TGFBR3: variants seen among roughly 807,000 people sequenced by gnomAD.
The protein encoded by TGFBR3 is transforming growth factor beta receptor 3.
TGFBR3 carries 46 observed loss-of-function variants against 87.9 expected under a neutral mutation model. The ratio of observed to expected loss-of-function variants is 0.52; its 90% CI spans 0.41 to 0.67. The LOEUF is 0.67. Among genes scored for constraint, TGFBR3 ranks in the 30% least tolerant of loss-of-function variants. The probability of loss-of-function intolerance (pLI) is 0.00; values close to 1 mark genes in which losing one functional copy is unlikely to be tolerated. For synonymous variants in TGFBR3, 381 were observed against 391.6 expected, an observed-to-expected ratio of 0.97 and a Z score of 0.32; for missense variants, 866 against 1,041.9, an observed-to-expected ratio of 0.83 and a Z score of 2.32.
intron 2 of TGFBR3, among the ~76,000 whole-genome samples, chr1:91,820,479 C>T (rs917130588): frequency 2.0e-5 from 3 of 152,050 alleles, no homozygotes; most frequent in Middle Eastern, 3.4e-3. Flanking sequence ...GTCAGGAGAT[C>T]GAGACCATCC....
intron 2 of TGFBR3, among the ~76,000 whole-genome samples, chr1:91,799,127 C>A (rs1230867137): frequency 6.6e-6 from 1 of 152,218 alleles, no homozygotes; most frequent in Non-Finnish European, 1.5e-5. Context: ...AATAAAGGTA[C>A]CCTCCAGGGT....
upstream of TGFBR3, chr1:91,886,246 G>A (rs756386454): frequency 2.3e-6 from 1 of 443,722 alleles, no homozygotes; most frequent in East Asian, 7.3e-5. Flanking sequence ...GCGGGGGGAA[G>A]GGCGCTCCTC....
intron 3 of TGFBR3, among the ~76,000 whole-genome samples, chr1:91,774,426 G>T (rs1052164845): frequency 3.9e-5 from 6 of 152,134 alleles, no homozygotes; most frequent in African/African-American, 1.4e-4. Flanking sequence ...GTAAGCCACT[G>T]CGCCCGGCCT....
intron 10 of TGFBR3, among the ~76,000 whole-genome samples, chr1:91,717,411 T>C (rs1370774219): frequency 2.6e-5 from 4 of 152,188 alleles, no homozygotes; most frequent in African/African-American, 7.2e-5. Context: ...ATCTTTTTTT[T>C]CCACCTTTTT....
Position 91,804,318 on chromosome 1 carries a change from G to A in TGFBR3, c.62-6847C>T, listed in dbSNP as rs181218061. 5.7e-4 allele frequency among the ~76,000 whole-genome samples: 86 copies of A among 152,182 alleles called. 1 individual carries two copies. The East Asian group carries it at 0.015, about 26-fold the overall frequency. ...AAATCTGTTTTTGTCTTCTCTTCCC[G>A]GACACTCTTCTGGCCAATCCCCTCT... On this transcript the variant is annotated intron_variant, in intron 2 of 16. Transcript: ENST00000212355.
At position 91,681,128 on chromosome 1, in the gene TGFBR3, A is replaced by G. The variant is rs1354381528; in HGVS notation, c.*2611T>C. On this transcript the variant is annotated 3_prime_UTR_variant, in exon 17 of 17. Coordinates refer to ENST00000212355, the MANE Select transcript of TGFBR3 (RefSeq NM_003243.5). Reference sequence around the variant, plus strand: ...AAGAGTTCAGCTGAAATACAACAATACTTTTAAAGAAACTTGTAGTACACG... The same window carrying G: ...AAGAGTTCAGCTGAAATACAACAATGCTTTTAAAGAAACTTGTAGTACACG... 1 of 454,116 alleles carries G rather than the reference A, an allele frequency of 2.2e-6. No homozygotes were observed. The highest frequency in any genetic ancestry group is 4.4e-6 in the Non-Finnish European group (1 of 226,778). 28.1% of individuals were successfully genotyped at this position (454,116 alleles called of 1,614,324 possible).
Position 91,681,323 on chromosome 1 carries a change from A to C in TGFBR3, c.*2416T>G, listed in dbSNP as rs773508844. 2.2e-6 allele frequency: 1 copy of C among 445,244 alleles called. No individual in the cohort carries two copies. Among genetic ancestry groups the C allele is most frequent in the African/African-American group, 2.0e-5 (1 of 49,596 alleles). The allele number at this position is 445,244 out of a possible 1,614,324, so 27.6% of individuals were successfully genotyped here. Reference sequence around the variant, plus strand: ...ACTCTCCAATATGAGATTAGGTTTTATCGACACAGATTTCTTGATCTGAAT... The same window carrying C: ...ACTCTCCAATATGAGATTAGGTTTTCTCGACACAGATTTCTTGATCTGAAT... On this transcript the variant is annotated 3_prime_UTR_variant, in exon 17 of 17. Transcript: ENST00000212355.
At chr1:91,889,087 G>A (rs1318955783), upstream of TGFBR3, among the ~76,000 whole-genome samples, 2 of 152,062 alleles carry the variant, frequency 1.3e-5, no homozygotes, top group Non-Finnish European at 2.9e-5. Flanking sequence ...TTCATACCAT[G>A]TTGGCCAGGC....
chr1:91,851,529 A>G (rs897724435), intron 2 of TGFBR3, among the ~76,000 whole-genome samples: 2 of 152,232 alleles, frequency 1.3e-5, no homozygotes, highest in African/African-American at 4.8e-5. Flanking sequence ...TTCCAAAATC[A>G]GCGTGCTCAG....
At chr1:91,857,554 T>C (rs1678006624) in intron 2 of TGFBR3, among the ~76,000 whole-genome samples, 3 of 152,174 alleles carry the variant, frequency 2.0e-5, no homozygotes, top group African/African-American at 4.8e-5. Context: ...TCTGAGGTCT[T>C]TGGGTTTTAC....
chr1:91,748,169 T>C (rs12127610), intron 4 of TGFBR3, among the ~76,000 whole-genome samples: 23,905 of 152,168 alleles, frequency 0.16, 2,005 homozygotes, highest in East Asian at 0.25. Context: ...GGTTGGAGCC[T>C]CCTTGAGCTT....
chr1:91,707,701 T>C (rs185262473), intron 14 of TGFBR3, among the ~76,000 whole-genome samples: 49 of 152,328 alleles, frequency 3.2e-4, no homozygotes. Flanking sequence ...CTAACCCCGC[T>C]TGGAATCCAC....
chr1:91,760,730 G>A (rs1673928311), intron 3 of TGFBR3, among the ~76,000 whole-genome samples: 1 of 152,204 alleles, frequency 6.6e-6, no homozygotes, highest in East Asian at 1.9e-4. Context: ...TACAGCTACA[G>A]CAAAGTAATG....
At chr1:91,884,714 A>T (rs945285162) in intron 1 of TGFBR3, among the ~76,000 whole-genome samples, 2 of 152,244 alleles carry the variant, frequency 1.3e-5, no homozygotes, top group African/African-American at 4.8e-5. Context: ...TGCTGTGAGG[A>T]TTAAGTGCAC....
intron 3 of TGFBR3, among the ~76,000 whole-genome samples, chr1:91,795,478 C>T (rs1675344629): frequency 6.6e-6 from 1 of 152,164 alleles, no homozygotes; most frequent in Admixed American, 6.5e-5. Context: ...TGCAGGAGAG[C>T]TCTGCTGTCA....
intron 1 of TGFBR3, among the ~76,000 whole-genome samples, chr1:91,900,974 C>T (rs984332472): frequency 1.3e-5 from 2 of 152,212 alleles, no homozygotes; most frequent in Non-Finnish European, 2.9e-5. Context: ...GATCCTTCTG[C>T]CTCAGCCTCT....
At chr1:91,695,471 G>T in intron 16 of TGFBR3, 1 of 570,830 alleles carries the variant, frequency 1.8e-6, no homozygotes, top group Non-Finnish European at 3.2e-6. Flanking sequence ...AATTAGCACA[G>T]TTTAAACCTT....
At chr1:91,761,300 A>T (rs1464780242) in intron 3 of TGFBR3, among the ~76,000 whole-genome samples, 1 of 152,214 alleles carries the variant, frequency 6.6e-6, no homozygotes, top group East Asian at 1.9e-4. Context: ...GATGGTCAAA[A>T]GTGCTGAGGC....
intron 7 of TGFBR3, among the ~76,000 whole-genome samples, chr1:91,725,815 A>G (rs1672529112): frequency 6.6e-6 from 1 of 152,156 alleles, no homozygotes; most frequent in South Asian, 2.1e-4. Flanking sequence ...TTTCAATTTC[A>G]CTATGCTGTC....
Sources: allele counts gnomAD v4.1 joint callset (sites outside exome capture counted in the v4.1 genomes callset), GRCh38; gene constraint gnomAD v4.1.1; transcripts MANE v1.5; gene names NCBI Gene and HGNC (gene_info 2026-07-23, HGNC 2026-07-21).